SNTG1: variants seen among roughly 807,000 people sequenced by gnomAD.
The protein encoded by SNTG1 is syntrophin gamma 1.
Under a neutral mutation model 74.7 loss-of-function variants are expected in SNTG1, and 39 were observed. The ratio of observed to expected loss-of-function variants is 0.52; its 90% CI spans 0.40 to 0.68. SNTG1 has a LOEUF of 0.68. Among genes scored for constraint, SNTG1 ranks in the 30% least tolerant of loss-of-function variants. The pLI is 0.00. For missense variants in SNTG1, 685 were observed against 609.5 expected (o/e 1.12, Z -1.30); for synonymous variants, 254 against 217.1 (o/e 1.17, Z -1.49).
At chr8:50,642,019 T>C (rs2095076735) in intron 13 of SNTG1, among the ~76,000 whole-genome samples, 1 of 152,236 alleles carries the variant, frequency 6.6e-6, no homozygotes. Context: ...CTTCGTATTT[T>C]CTATTTCTTT....
At chr8:50,357,526 CT>C (rs1482952195) in intron 2 of SNTG1, among the ~76,000 whole-genome samples, 2 of 152,212 alleles carry the variant, frequency 1.3e-5, no homozygotes, top group African/African-American at 4.8e-5. Context: ...TATCACTACT[CT>C]TCCTGTTACC....
chr8:50,043,533 C>T (rs1002798402), intron 1 of SNTG1, among the ~76,000 whole-genome samples: 2 of 152,172 alleles, frequency 1.3e-5, no homozygotes, highest in Non-Finnish European at 2.9e-5. Context: ...TGTCTTTGCA[C>T]AGAGTTGCAG....
intron 8 of SNTG1, among the ~76,000 whole-genome samples, chr8:50,468,235 T>C (rs1164231275): frequency 1.3e-5 from 2 of 152,076 alleles, no homozygotes; most frequent in African/African-American, 4.8e-5. Flanking sequence ...CATTATAGGC[T>C]AAAATTATAA....
chr8:49,947,724 T>G (rs1025298457), intron 1 of SNTG1, among the ~76,000 whole-genome samples: 1 of 152,208 alleles, frequency 6.6e-6, no homozygotes, highest in Admixed American at 6.5e-5. Context: ...TTTCTAACTT[T>G]TCTGGAGATC....
chr8:50,165,612 T>A (rs1403191137), intron 1 of SNTG1, among the ~76,000 whole-genome samples: 1 of 152,186 alleles, frequency 6.6e-6, no homozygotes, highest in Admixed American at 6.5e-5. Context: ...GTTCTGCATA[T>A]TATCTGCTTG....
At chr8:50,199,697 C>T (rs2083913961) in intron 2 of SNTG1, among the ~76,000 whole-genome samples, 1 of 152,160 alleles carries the variant, frequency 6.6e-6, no homozygotes, top group African/African-American at 2.4e-5. Flanking sequence ...TGTTTTGGTG[C>T]ATGACTGCCT....
At chr8:50,700,735 C>G (rs1299481711) in intron 15 of SNTG1, among the ~76,000 whole-genome samples, 1 of 152,172 alleles carries the variant, frequency 6.6e-6, no homozygotes, top group African/African-American at 2.4e-5. Context: ...GCTTCCTTAG[C>G]ATGTTACCTC....
chr8:50,789,486 C>T (rs981453575), intron 18 of SNTG1, among the ~76,000 whole-genome samples: 7 of 152,000 alleles, frequency 4.6e-5, no homozygotes, highest in African/African-American at 1.7e-4. Context: ...CTATTCTGAA[C>T]TCTAATTTTT....
At chr8:50,718,976 C>T (rs1051955060) in intron 17 of SNTG1, among the ~76,000 whole-genome samples, 6 of 152,174 alleles carry the variant, frequency 3.9e-5, no homozygotes, top group Non-Finnish European at 5.9e-5. Context: ...TGAGGATACT[C>T]ATTTGTTTTT....
At chr8:50,445,512 C>T (rs2093398576) in intron 5 of SNTG1, among the ~76,000 whole-genome samples, 2 of 152,146 alleles carry the variant, frequency 1.3e-5, no homozygotes, top group South Asian at 2.1e-4. Context: ...CTAGTAAAAC[C>T]GTTGTGTAGA....
chr8:49,954,840 T>C (rs1264096898), intron 1 of SNTG1, among the ~76,000 whole-genome samples: 1 of 152,186 alleles, frequency 6.6e-6, no homozygotes, highest in African/African-American at 2.4e-5. Flanking sequence ...GAAGAAACTT[T>C]GTATTCTAGA....
chr8:50,374,644 G>C (rs1052104795), intron 2 of SNTG1, among the ~76,000 whole-genome samples: 4 of 152,306 alleles, frequency 2.6e-5, no homozygotes, highest in Non-Finnish European at 4.4e-5. Context: ...GCTTCAAGAA[G>C]AGTGGCCTAA....
At chr8:50,707,288 G>A (rs2095446465) in intron 16 of SNTG1, among the ~76,000 whole-genome samples, 1 of 151,960 alleles carries the variant, frequency 6.6e-6, no homozygotes. Context: ...AAACCATTAT[G>A]TCTAAATTAG....
chr8:50,754,258 A>T (rs2095574666), intron 18 of SNTG1, among the ~76,000 whole-genome samples: 1 of 152,020 alleles, frequency 6.6e-6, no homozygotes, highest in Non-Finnish European at 1.5e-5. Flanking sequence ...TTTTAAATAA[A>T]ATGCCAAATT....
intron 2 of SNTG1, among the ~76,000 whole-genome samples, chr8:50,358,802 G>A (rs965254839): frequency 6.6e-6 from 1 of 152,122 alleles, no homozygotes; most frequent in East Asian, 1.9e-4. Flanking sequence ...TGCAGATATG[G>A]TAATGTTTTA....
At chr8:50,321,185 A>G (rs2090515294) in intron 2 of SNTG1, among the ~76,000 whole-genome samples, 1 of 152,054 alleles carries the variant, frequency 6.6e-6, no homozygotes, top group Non-Finnish European at 1.5e-5. Flanking sequence ...CTTAGCTCTA[A>G]TAATATTTGC....
chr8:50,763,967 A>T (rs1034877163), intron 18 of SNTG1, among the ~76,000 whole-genome samples: 3 of 143,528 alleles, frequency 2.1e-5, no homozygotes, highest in South Asian at 2.1e-4. Context: ...GAATACTGAT[A>T]AAAAAAAATA....
At chr8:50,703,279 T>C (rs2095432347) in intron 15 of SNTG1, among the ~76,000 whole-genome samples, 1 of 152,196 alleles carries the variant, frequency 6.6e-6, no homozygotes, top group South Asian at 2.1e-4. Flanking sequence ...TCTCTACATT[T>C]TTTTTCTACT....
At chr8:50,429,344 T>A (rs556829010) in intron 4 of SNTG1, among the ~76,000 whole-genome samples, 1 of 152,218 alleles carries the variant, frequency 6.6e-6, no homozygotes, top group Admixed American at 6.5e-5. Context: ...AAATTCATAG[T>A]CGACTTATTT....
Sources: allele counts gnomAD v4.1 joint callset (sites outside exome capture counted in the v4.1 genomes callset), GRCh38; gene constraint gnomAD v4.1.1; transcripts MANE v1.5; gene names NCBI Gene and HGNC (gene_info 2026-07-23, HGNC 2026-07-21).